The following GPR135 variants were observed in gnomAD, a reference collection of about 807,000 sequenced individuals.
The protein encoded by GPR135 is G protein-coupled receptor 135.
GPR135 carries 17 observed loss-of-function variants against 15.0 expected under a neutral mutation model. That is an observed-to-expected ratio of 1.13 (90% CI 0.78 to 1.70). GPR135 has a LOEUF of 1.70. Among genes scored for constraint, GPR135 ranks in the 40% most tolerant of loss-of-function variants. The probability of loss-of-function intolerance (pLI) is 0.00; values close to 1 mark genes in which losing one functional copy is unlikely to be tolerated. For synonymous variants in GPR135, 368 were observed against 349.4 expected, an observed-to-expected ratio of 1.05 and a Z score of -0.59; for missense variants, 776 against 727.0, an observed-to-expected ratio of 1.07 and a Z score of -0.78.
chr14:59,454,518 GAA>G (rs1888588580), intron 6 of GPR135, among the ~76,000 whole-genome samples: 1 of 152,152 alleles, frequency 6.6e-6, no homozygotes, highest in African/African-American at 2.4e-5. Context: ...AATCTGAGTT[GAA>G]ATAAAGACAA....
In GPR135 at chr14:59,465,017, G is replaced by A; in HGVS notation, c.210C>T (p.Gly70=). ...GGGTAAAPGG[G]GLGGSGAARE... Reference sequence around the variant, plus strand: ...GCGCTGCCCCGGACCCGCCAAGGCCGCCGCCACCGGGAGCGGCAGCTGTGC... The same window carrying A: ...GCGCTGCCCCGGACCCGCCAAGGCCACCGCCACCGGGAGCGGCAGCTGTGC... The change falls in exon 1 of 1, where the codon GGC becomes GGT. Residue 70 remains glycine (G), a synonymous_variant. Coordinates refer to ENST00000395116, the MANE Select transcript of GPR135 (RefSeq NM_022571.6). 1 of 1,333,028 alleles carries A rather than the reference G, an allele frequency of 7.5e-7. No individual in the cohort carries two copies. The highest frequency in any genetic ancestry group is 9.6e-7 in the Non-Finnish European group (1 of 1,046,264). The allele number at this position is 1,333,028 out of a possible 1,614,324, so 82.6% of individuals were successfully genotyped here. A position where few individuals can be genotyped will look rare whatever the true frequency, so the allele number is the denominator to read the frequency against.
Position 59,461,146 on chromosome 14 carries a change from T to C in GPR135, c.*2596A>G, listed in dbSNP as rs1888842822. The C allele has an allele frequency of 6.6e-6, 1 of 152,262 alleles. No individual in the cohort carries two copies. The highest frequency in any genetic ancestry group is 2.4e-5 in the African/African-American group (1 of 41,476). 9.4% of individuals were successfully genotyped at this position (152,262 alleles called of 1,614,324 possible). ...GATGAGTACTGTGGCTTCTACCTTT[T>C]AGTAGCCTTAGCTCCCAGGAAGTTG... On this transcript the variant is annotated 3_prime_UTR_variant, in exon 1 of 1. Transcript: ENST00000395116.
At chr14:59,454,678 C>T (rs537235335) in intron 6 of GPR135, among the ~76,000 whole-genome samples, 1 of 152,194 alleles carries the variant, frequency 6.6e-6, no homozygotes, top group East Asian at 1.9e-4. Context: ...AAAATTTTGG[C>T]CCTGCTTTAA....
At chr14:59,458,244 T>G (rs1888731756), downstream of GPR135, among the ~76,000 whole-genome samples, 1 of 152,176 alleles carries the variant, frequency 6.6e-6, no homozygotes, top group South Asian at 2.1e-4. Flanking sequence ...ACTAATTATT[T>G]GCTAATTGCC....
rs772298366 is a variant in GPR135 at position 59,464,468 on chromosome 14, G to C, written c.759C>G (p.Leu253=). ...AGCCGTGGAAGCTCTGCGCCGCCGC[G>C]AGTTCCCGGGGCGCCCCGAGCAGCT... ...PWELLGAPRE[L]AAAQSFHGCL... The change falls in exon 1 of 1, where the codon CTC becomes CTG. Residue 253 remains leucine (L), a synonymous_variant. Transcript: ENST00000395116. 8.7e-5 allele frequency: 134 copies of C among 1,547,588 alleles called. No homozygotes were observed. The highest frequency in any genetic ancestry group is 1.2e-5 in the South Asian group (1 of 85,192).
chr14:59,459,071 G>T (rs1888763459), downstream of GPR135: 1 of 152,134 alleles, frequency 6.6e-6, no homozygotes, highest in Non-Finnish European at 1.5e-5. Flanking sequence ...CTGAGTTTTA[G>T]ATTTTCTTAA....
rs1243350702 is a variant in GPR135 at position 59,461,473 on chromosome 14, C to A, written c.*2269G>T. ...TTGCCTACCATGACTCTCGGAGCCA[C>A]TAACAGAATGGCCTCTTTCACAAGC... On this transcript the variant is annotated 3_prime_UTR_variant, in exon 1 of 1. Coordinates refer to ENST00000395116, the MANE Select transcript of GPR135 (RefSeq NM_022571.6). 1 of 152,176 alleles carries A rather than the reference C, an allele frequency of 6.6e-6. No individual in the cohort carries two copies. Among genetic ancestry groups the A allele is most frequent in the East Asian group, 1.9e-4 (1 of 5,196 alleles). The allele number at this position is 152,176 out of a possible 1,614,324, so 9.4% of individuals were successfully genotyped here.
In GPR135 at chr14:59,464,225, G is replaced by A. The variant is rs1411302651; in HGVS notation, c.1002C>T (p.Leu334=). 2 of 1,611,538 alleles carry A rather than the reference G, an allele frequency of 1.2e-6. No individual in the cohort carries two copies. The highest frequency in any genetic ancestry group is 4.5e-5 in the East Asian group (2 of 44,876). ...AGCAGATGACGAAGACGATCATGAT[G>A]AGGACGGTGGTGGCCGTGCGCACCT... is the stretch of plus-strand genomic sequence containing the variant. ...FSEVRTATTV[L]IMIVFVICCW... Residue 334 remains leucine (L), a synonymous_variant, in exon 1 of 1, where the codon CTC becomes CTT. Transcript: ENST00000395116.
In GPR135 at chr14:59,463,666, A is replaced by T; in HGVS notation, c.*76T>A. On this transcript the variant is annotated 3_prime_UTR_variant, in exon 1 of 1. Coordinates refer to ENST00000395116, the MANE Select transcript of GPR135 (RefSeq NM_022571.6). ...AATGTTTGGCTTTATGAAATCCACA[A>T]CTCTCCCCCAGAATCTTCCATCATT... The T allele has an allele frequency of 7.3e-7, 1 of 1,372,836 alleles. No individual in the cohort carries two copies. Among genetic ancestry groups the T allele is most frequent in the Non-Finnish European group, 9.9e-7 (1 of 1,015,026 alleles). 85.0% of individuals were successfully genotyped at this position (1,372,836 alleles called of 1,614,324 possible).
chr14:59,455,866 A>G (rs1419557196), downstream of GPR135: 1 of 152,226 alleles, frequency 6.6e-6, no homozygotes, highest in Non-Finnish European at 1.5e-5. Context: ...TGATCATCAT[A>G]ACACTATTTA....
downstream of GPR135, among the ~76,000 whole-genome samples, chr14:59,456,808 G>A (rs967440914): frequency 1.3e-5 from 2 of 151,980 alleles, no homozygotes; most frequent in African/African-American, 4.8e-5. Flanking sequence ...ATACCATGAA[G>A]CTATTTAGAA....
rs986631451 is a variant in GPR135 at position 59,462,564 on chromosome 14, C to G, written c.*1178G>C. 3.9e-5 allele frequency: 6 copies of G among 152,138 alleles called. No individual in the cohort carries two copies. The highest frequency in any genetic ancestry group is 9.7e-5 in the African/African-American group (4 of 41,436). 9.4% of individuals were successfully genotyped at this position (152,138 alleles called of 1,614,324 possible). ...ATACATTATCTTCGACAAGTCATAG[C>G]TATAAAGCAACCATCAGCTATTTTA... is the stretch of plus-strand genomic sequence containing the variant. On this transcript the variant is annotated 3_prime_UTR_variant, in exon 1 of 1. Coordinates refer to ENST00000395116, the MANE Select transcript of GPR135 (RefSeq NM_022571.6).
Position 59,462,340 on chromosome 14 carries a change from C to T in GPR135, c.*1402G>A, listed in dbSNP as rs1403192585. Reference sequence around the variant, plus strand: ...CTGAGTAAATGATTCTGTGTATAGTCGTATTTAACATTAGAAAGTTCACAT... The same window carrying T: ...CTGAGTAAATGATTCTGTGTATAGTTGTATTTAACATTAGAAAGTTCACAT... On this transcript the variant is annotated 3_prime_UTR_variant, in exon 1 of 1. Coordinates refer to ENST00000395116, the MANE Select transcript of GPR135 (RefSeq NM_022571.6). 1.3e-5 allele frequency: 2 copies of T among 152,136 alleles called. No homozygotes were observed. Among genetic ancestry groups the T allele is most frequent in the African/African-American group, 2.4e-5 (1 of 41,436 alleles). 9.4% of individuals were successfully genotyped at this position (152,136 alleles called of 1,614,324 possible). A position where few individuals can be genotyped will look rare whatever the true frequency, so the allele number is the denominator to read the frequency against.
rs769218971 is a variant in GPR135, at chr14:59,464,554, GGCGGCGGCCGATCTTCTCCC to G, written c.653_672del (p.Arg218ProfsTer185). On this transcript the variant is annotated frameshift_variant, in exon 1 of 1. Transcript: ENST00000395116. LOFTEE classifies it high-confidence loss of function. ...GCGCCCGCCAGCAGCTGCAGCGCGCGGCGGCGGCCGATCTTCTCCCGCGGCGGCCGCACGATAGCGCAGTA... is the reference window on the plus strand; with the variant it reads ...GCGCCCGCCAGCAGCTGCAGCGCGCGGCGGCGGCCGCACGATAGCGCAGTA... 1.3e-6 allele frequency: 2 copies of G among 1,563,416 alleles called. No individual in the cohort carries two copies. The highest frequency in any genetic ancestry group is 2.3e-5 in the South Asian group (2 of 86,904).
Position 59,464,272 on chromosome 14 carries a change from G to T in GPR135, c.955C>A (p.Arg319Ser). The change falls in exon 1 of 1, where the codon CGC (arginine) becomes AGC (serine). Residue 319 changes from arginine to serine, a missense_variant. Arg to Ser is a moderately radical substitution (Grantham distance 110). Coordinates refer to ENST00000395116, the MANE Select transcript of GPR135 (RefSeq NM_022571.6). Reference sequence around the variant, plus strand: ...ACCTCGCTGAAGAAGCGCAGCACGCGCGCGTAGGTGTTCACCGGCCGCACG... The same window carrying T: ...ACCTCGCTGAAGAAGCGCAGCACGCTCGCGTAGGTGTTCACCGGCCGCACG... ...VRVRPVNTYA[R>S]VLRFFSEVRT... 1 of 1,612,196 alleles carries T rather than the reference G, an allele frequency of 6.2e-7. No individual in the cohort carries two copies. The highest frequency in any genetic ancestry group is 1.3e-5 in the African/African-American group (1 of 75,064).
rs1412078776 is a variant in GPR135, at chr14:59,464,338, G to A, written c.889C>T (p.His297Tyr). 3.7e-6 allele frequency: 6 copies of A among 1,610,242 alleles called. No individual in the cohort carries two copies. In the Admixed American group the frequency reaches 1.0e-4, roughly 27 times the overall value. The change falls in exon 1 of 1, where the codon CAC becomes TAC. Residue 297 changes from histidine to tyrosine, a missense_variant. Transcript: ENST00000395116. ...CGCACCGTCTTGCAGATGTGGTAGT[G>A]GCAGAAGCACATGAGCAGGAAGGGC... ...LLPFLLMCFC[H>Y]YHICKTVRLS...
chr14:59,465,373 G>C lies in GPR135; in HGVS notation c.-147C>G. On this transcript the variant is annotated 5_prime_UTR_variant, in exon 1 of 1. Transcript: ENST00000395116. Reference sequence around the variant, plus strand: ...GGTGGCGGTCGCTGGGGACCTGGCGGAGCCTTTGACGTGGGTTCCAGCGTT... The same window carrying C: ...GGTGGCGGTCGCTGGGGACCTGGCGCAGCCTTTGACGTGGGTTCCAGCGTT... The C allele has an allele frequency of 1.9e-6, 1 of 534,964 alleles. No individual in the cohort carries two copies. The highest frequency in any genetic ancestry group is 2.8e-6 in the Non-Finnish European group (1 of 357,480). The allele number at this position is 534,964 out of a possible 1,614,324, so 33.1% of individuals were successfully genotyped here.
Position 59,464,597 on chromosome 14 carries a change from G to T in GPR135, c.630C>A (p.Tyr210Ter). 1 of 1,595,024 alleles carries T rather than the reference G, an allele frequency of 6.3e-7. No individual in the cohort carries two copies. The highest frequency in any genetic ancestry group is 1.7e-5 in the Admixed American group (1 of 59,500). The change falls in exon 1 of 1, where the codon TAC (tyrosine) becomes TAA (stop). Residue 210 changes from tyrosine to a stop codon, truncating the protein, a stop_gained. Coordinates refer to ENST00000395116, the MANE Select transcript of GPR135 (RefSeq NM_022571.6). LOFTEE classifies it high-confidence loss of function. ...LSVALISLDRYCAIVRPPREK... is the reference protein window; with the variant it reads ...LSVALISLDR ...CCCGCGGCGGCCGCACGATAGCGCAGTAACGGTCCAACGAGATGAGCGCCA... is the reference window on the plus strand; with the variant it reads ...CCCGCGGCGGCCGCACGATAGCGCATTAACGGTCCAACGAGATGAGCGCCA...
downstream of GPR135, among the ~76,000 whole-genome samples, chr14:59,458,526 C>T (rs1594891647): frequency 6.6e-6 from 1 of 152,104 alleles, no homozygotes; most frequent in Non-Finnish European, 1.5e-5. Flanking sequence ...AAAATTAGTT[C>T]CTTTGGAGAG....
Sources: allele counts gnomAD v4.1 joint callset (sites outside exome capture counted in the v4.1 genomes callset), GRCh38; gene constraint gnomAD v4.1.1; transcripts MANE v1.5; gene names NCBI Gene and HGNC (gene_info 2026-07-23, HGNC 2026-07-21).